FMN2: variants seen among roughly 807,000 people sequenced by gnomAD.
FMN2 encodes the protein formin-2.
A neutral mutation model predicts 142.3 loss-of-function variants in FMN2; 51 were observed. That is an observed-to-expected ratio of 0.36 (90% CI 0.29 to 0.45). FMN2 has a LOEUF of 0.45. Ranked by LOEUF, FMN2 falls within the 20% of genes least tolerant of loss-of-function variation. The pLI, the probability that FMN2 is intolerant of heterozygous loss-of-function variation, is 1.00. For missense variants in FMN2, 1,936 were observed against 2,122.8 expected, an observed-to-expected ratio of 0.91 and a Z score of 1.73; for synonymous variants, 882 against 869.8, an observed-to-expected ratio of 1.01 and a Z score of -0.25.
rs142181428 is a variant in FMN2 at position 240,318,028 on chromosome 1, A to G, written c.4216-11048A>G. Among the ~76,000 whole-genome samples, 162 of 152,262 alleles carry G rather than the reference A, an allele frequency of 1.1e-3. 1 individual carries two copies. Among genetic ancestry groups the G allele is most frequent in the South Asian group, 1.4e-3 (7 of 4,828 alleles). On this transcript the variant is annotated intron_variant, in intron 8 of 17. Transcript: ENST00000319653. ...CATTTCATGTGCTAACTTGTCATCC[A>G]TGTATTCTCTCTGGCGATATGTCTG...
chr1:240,268,467 G>A (rs939864745), intron 7 of FMN2, among the ~76,000 whole-genome samples: 2 of 151,962 alleles, frequency 1.3e-5, no homozygotes, highest in African/African-American at 4.8e-5. Context: ...TAACTGTGTG[G>A]CTTCTTAAAC....
intron 8 of FMN2, among the ~76,000 whole-genome samples, chr1:240,326,959 G>A (rs1671191583): frequency 6.6e-6 from 1 of 151,912 alleles, no homozygotes. Flanking sequence ...CAGAAAGATG[G>A]GTATTGTCAT....
intron 6 of FMN2, among the ~76,000 whole-genome samples, chr1:240,252,348 A>C (rs1242598300): frequency 2.6e-5 from 4 of 152,080 alleles, no homozygotes; most frequent in Admixed American, 2.6e-4. Flanking sequence ...TTGCTCTACC[A>C]GTAGGTTTTA....
chr1:240,354,724 G>A (rs572064490), intron 13 of FMN2, among the ~76,000 whole-genome samples: 189 of 151,950 alleles, frequency 1.2e-3, no homozygotes, highest in Admixed American at 2.9e-3. Context: ...ACCTGGAAGG[G>A]AAAAAAGAGG....
At chr1:240,199,691 C>A (rs191990051) in intron 4 of FMN2, among the ~76,000 whole-genome samples, 1 of 152,148 alleles carries the variant, frequency 6.6e-6, no homozygotes, top group South Asian at 2.1e-4. Context: ...ACGTAGATGG[C>A]AGACTCTACC....
intron 1 of FMN2, among the ~76,000 whole-genome samples, chr1:240,122,149 G>A (rs1283671112): frequency 6.6e-6 from 1 of 151,786 alleles, no homozygotes; most frequent in East Asian, 1.9e-4. Context: ...GTGCAATGGC[G>A]TGATCGCGGC....
At chr1:240,168,105 C>T (rs1338605669) in intron 2 of FMN2, among the ~76,000 whole-genome samples, 4 of 152,104 alleles carry the variant, frequency 2.6e-5, no homozygotes, top group Non-Finnish European at 4.4e-5. Flanking sequence ...TATTATGATA[C>T]TGATTAGTTA....
At chr1:240,452,203 A>T (rs1676081850) in intron 16 of FMN2, among the ~76,000 whole-genome samples, 1 of 152,222 alleles carries the variant, frequency 6.6e-6, no homozygotes, top group Non-Finnish European at 1.5e-5. Context: ...AAAAATAAAT[A>T]AATAAAAAAT....
At chr1:240,398,211 C>T (rs1673851383) in intron 15 of FMN2, among the ~76,000 whole-genome samples, 2 of 152,062 alleles carry the variant, frequency 1.3e-5, no homozygotes, top group African/African-American at 4.8e-5. Context: ...GCCATGTTGG[C>T]CAGGCTGGTC....
At chr1:240,226,184 T>A (rs964049504) in intron 6 of FMN2, among the ~76,000 whole-genome samples, 17 of 152,154 alleles carry the variant, frequency 1.1e-4, no homozygotes, top group Admixed American at 7.9e-4. Flanking sequence ...AATACACACA[T>A]CCAAGAAGTT....
At chr1:240,164,043 A>T (rs1664384386) in intron 2 of FMN2, among the ~76,000 whole-genome samples, 1 of 151,790 alleles carries the variant, frequency 6.6e-6, no homozygotes, top group Non-Finnish European at 1.5e-5. Flanking sequence ...ACCCCAAGAT[A>T]ATTTTTATGT....
chr1:240,408,237 A>G (rs1327604611), intron 15 of FMN2, among the ~76,000 whole-genome samples: 1 of 152,212 alleles, frequency 6.6e-6, no homozygotes, highest in Non-Finnish European at 1.5e-5. Context: ...GTTAAAGAGA[A>G]TAGGGATATT....
intron 17 of FMN2, among the ~76,000 whole-genome samples, chr1:240,472,770 C>T (rs1309024582): frequency 6.6e-6 from 1 of 151,710 alleles, no homozygotes; most frequent in East Asian, 2.0e-4. Flanking sequence ...CGTGATGAAA[C>T]CCTGTCTCTA....
chr1:240,308,075 G>T (rs1468111282), intron 8 of FMN2, among the ~76,000 whole-genome samples: 1 of 152,180 alleles, frequency 6.6e-6, no homozygotes, highest in Non-Finnish European at 1.5e-5. Flanking sequence ...ATGTTGCCCA[G>T]GATGGTGGGT....
intron 14 of FMN2, among the ~76,000 whole-genome samples, chr1:240,367,635 G>A (rs1370390956): frequency 1.3e-5 from 2 of 151,714 alleles, no homozygotes; most frequent in African/African-American, 4.8e-5. Flanking sequence ...GGGAGTGGTG[G>A]TGGGCTCCTG....
In FMN2 at chr1:240,334,129, C is replaced by T; in HGVS notation, c.4665C>T (p.Cys1555=). 3 of 1,601,786 alleles carry T rather than the reference C, an allele frequency of 1.9e-6. No homozygotes were observed. The highest frequency in any genetic ancestry group is 1.7e-6 in the Non-Finnish European group (2 of 1,176,884). The stretch of plus-strand genomic sequence containing the variant: ...ATTAGGATGCTGGAAAAGAACAGTG[C>T]CTCTTTCCACTGCCAGAACCCCAGG... ...NFDEDAGKEQ[C]LFPLPEPQDL... Residue 1555 remains cysteine, a synonymous_variant, in exon 13 of 18, where the codon TGC becomes TGT. Coordinates refer to ENST00000319653, the MANE Select transcript of FMN2 (RefSeq NM_020066.5).
chr1:240,279,407 G>C (rs956352125), intron 7 of FMN2, among the ~76,000 whole-genome samples: 1 of 152,128 alleles, frequency 6.6e-6, no homozygotes, highest in African/African-American at 2.4e-5. Flanking sequence ...AGAGGTTGGG[G>C]TTGGGAAAAG....
intron 15 of FMN2, among the ~76,000 whole-genome samples, chr1:240,431,402 T>TATATA: frequency 7.2e-6 from 1 of 139,202 alleles, no homozygotes; most frequent in African/African-American, 2.7e-5. Flanking sequence ...CAACCATGTT[T>TATATA]TATATATATA....
chr1:240,142,750 A>C, intron 2 of FMN2: 1 of 1,606,646 alleles, frequency 6.2e-7, no homozygotes, highest in South Asian at 1.1e-5. Context: ...TCAGTGGCCA[A>C]TTCTGCCCGT....
Sources: gnomAD v4.1 joint callset for allele counts (sites outside exome capture counted in the v4.1 genomes callset) on GRCh38, gnomAD v4.1.1 for gene constraint, MANE v1.5 for transcripts, NCBI Gene and HGNC (gene_info 2026-07-23, HGNC 2026-07-21) for gene names.